The following XRN2 variants were observed in gnomAD, a reference collection of about 807,000 sequenced individuals.
XRN2 encodes 5'-3' exoribonuclease 2, also known as DHM1-like protein.
A neutral mutation model predicts 138.5 loss-of-function variants in XRN2; 44 were observed. The observed-to-expected ratio is 0.32, with a 90% CI of 0.25 to 0.41. The LOEUF is 0.41. Ranked by LOEUF, XRN2 falls within the 10% of genes least tolerant of loss-of-function variation. XRN2 has a pLI of 1.00. For missense variants in XRN2, 937 were observed against 1,169.3 expected (o/e 0.80, Z 2.90); for synonymous variants, 354 against 369.4 (o/e 0.96, Z 0.48).
In XRN2 at chr20:21,346,556, A is replaced by C; in HGVS notation, c.1665+6A>C. Reference sequence around the variant, plus strand: ...TTCTTAGATATTATTACCAGGTACAAAAAGAATATTTTCCTCTGAATTTGT... The same window carrying C: ...TTCTTAGATATTATTACCAGGTACACAAAGAATATTTTCCTCTGAATTTGT... On this transcript the variant is annotated splice_donor_region_variant and intron_variant, in intron 17 of 29. Coordinates refer to ENST00000377191, the MANE Select transcript of XRN2 (RefSeq NM_012255.5). 1 of 1,610,872 alleles carries C rather than the reference A, an allele frequency of 6.2e-7. No homozygotes were observed.
In XRN2 at chr20:21,333,536, T is replaced by C; in HGVS notation, c.859-8T>C. ...AGACTTGTTTCATCTTCATTCCTGT[T>C]CTTGCAGCATGATGAACTTGCCGAT... is the stretch of plus-strand genomic sequence containing the variant. On this transcript the variant is annotated splice_polypyrimidine_tract_variant and splice_region_variant and intron_variant, in intron 9 of 29. Coordinates refer to ENST00000377191, the MANE Select transcript of XRN2 (RefSeq NM_012255.5). 1 of 1,611,930 alleles carries C rather than the reference T, an allele frequency of 6.2e-7. No individual in the cohort carries two copies. Among genetic ancestry groups the C allele is most frequent in the Non-Finnish European group, 8.5e-7 (1 of 1,178,046 alleles).
chr20:21,333,438 A>T, intron 9 of XRN2, 106 bp from the exon 10 acceptor site: 1 of 1,104,334 alleles, frequency 9.1e-7, no homozygotes, highest in Non-Finnish European at 1.4e-6. Context: ...AATACTTGTG[A>T]TATTAAAATG....
chr20:21,303,604 G>T, intron 1 of XRN2, 131 bp downstream of exon 1: 2 of 1,383,244 alleles, frequency 1.4e-6, no homozygotes, highest in Non-Finnish European at 1.9e-6. Context: ...AGCCTCGCGA[G>T]CAGTCGCAGC....
intron 23 of XRN2, 30 bp downstream of exon 23, chr20:21,356,695 G>T: frequency 6.3e-7 from 1 of 1,575,200 alleles, no homozygotes; most frequent in South Asian, 1.2e-5. Context: ...TAATTGAGGT[G>T]ACTGGAAGGA....
chr20:21,355,683 A>G (rs1465147699), intron 21 of XRN2, among the ~76,000 whole-genome samples: 1 of 152,032 alleles, frequency 6.6e-6, no homozygotes, highest in Non-Finnish European at 1.5e-5. Flanking sequence ...ACGCATTTAG[A>G]TCTATCACTA....
At chr20:21,355,843 A>C (rs2038569669) in intron 21 of XRN2, among the ~76,000 whole-genome samples, 1 of 152,090 alleles carries the variant, frequency 6.6e-6, no homozygotes, top group African/African-American at 2.4e-5. Flanking sequence ...TTGTGTTGGG[A>C]ACATTACAGT....
intron 1 of XRN2, among the ~76,000 whole-genome samples, chr20:21,325,530 C>A (rs2038113437): frequency 6.6e-6 from 1 of 151,938 alleles, no homozygotes; most frequent in South Asian, 2.1e-4. Context: ...TGAGTGTAGA[C>A]CCTGGAAATT....
chr20:21,381,713 TAC>T (rs10523116), intron 27 of XRN2, among the ~76,000 whole-genome samples: 137 of 150,184 alleles, frequency 9.1e-4, no homozygotes, highest in South Asian at 2.1e-3. Flanking sequence ...TACACACACA[TAC>T]ACACACACAC....
At position 21,305,553 on chromosome 20, in the gene XRN2, C is replaced by CTTTTTTTT. The variant is rs1180206108; in HGVS notation, c.75+2096_75+2103dup. Among the ~76,000 whole-genome samples the CTTTTTTTT allele has an allele frequency of 3.3e-3, 65 of 19,840 alleles. 3 individuals carry two copies. Among genetic ancestry groups the CTTTTTTTT allele is most frequent in the African/African-American group, 5.7e-3 (58 of 10,160 alleles). The allele number at this position is 19,840 out of a possible 152,430, so 13.0% of individuals were successfully genotyped here. ...ACAGGCATGAGCCACCATACGTGGCCTTTTTTTTTTTTTTTTTTTTTTTGG... is the reference window on the plus strand; with the variant it reads ...ACAGGCATGAGCCACCATACGTGGCCTTTTTTTTTTTTTTTTTTTTTTTTTTTTTTTGG... On this transcript the variant is annotated intron_variant, in intron 1 of 29. Coordinates refer to ENST00000377191, the MANE Select transcript of XRN2 (RefSeq NM_012255.5).
At chr20:21,352,148 G>A (rs537259514) in intron 20 of XRN2, among the ~76,000 whole-genome samples, 1 of 152,194 alleles carries the variant, frequency 6.6e-6, no homozygotes, top group African/African-American at 2.4e-5. Flanking sequence ...TTTTCTTGAG[G>A]TAAAATTTAG....
At chr20:21,366,948 C>G (rs930257635) in intron 26 of XRN2, among the ~76,000 whole-genome samples, 1 of 152,108 alleles carries the variant, frequency 6.6e-6, no homozygotes, top group Non-Finnish European at 1.5e-5. Flanking sequence ...GGAATAAAAC[C>G]TCCTCTTTAC....
At chr20:21,308,222 A>G (rs1409231161) in intron 1 of XRN2, among the ~76,000 whole-genome samples, 2 of 152,144 alleles carry the variant, frequency 1.3e-5, no homozygotes, top group Non-Finnish European at 2.9e-5. Flanking sequence ...CTGTGTGTAG[A>G]TACACCACAT....
rs1217759630 is a variant in XRN2, at chr20:21,333,323, C to T, written c.859-221C>T. On this transcript the variant is annotated intron_variant, in intron 9 of 29. Coordinates refer to ENST00000377191, the MANE Select transcript of XRN2 (RefSeq NM_012255.5). ...GTCCCCCAGTAGCCAAAATAATTTA[C>T]TGTCTGGCCCTTTGCAGAAAATGTT... is the stretch of plus-strand genomic sequence containing the variant. Among the ~76,000 whole-genome samples, 6 of 152,188 alleles carry T rather than the reference C, an allele frequency of 3.9e-5. No homozygotes were observed. In the East Asian group the frequency reaches 1.2e-3, roughly 29 times the overall value.
At chr20:21,359,302 T>TG (rs1177306092) in intron 24 of XRN2, among the ~76,000 whole-genome samples, 1 of 151,814 alleles carries the variant, frequency 6.6e-6, no homozygotes, top group African/African-American at 2.4e-5. Flanking sequence ...GAGGCCAGGG[T>TG]GGTGGGTGGA....
In XRN2 at chr20:21,389,560, C is replaced by CACATTT; in HGVS notation, c.*223_*228dup. ...TCTGAATTTATTATTGCTTATAAAA[C>CACATTT]ACATTTGATGGAATAGGAGTACTGG... On this transcript the variant is annotated 3_prime_UTR_variant, in exon 30 of 30. Transcript: ENST00000377191. 2.4e-6 allele frequency: 1 copy of CACATTT among 409,184 alleles called. No homozygotes were observed. The highest frequency in any genetic ancestry group is 4.3e-5 in the East Asian group (1 of 23,338). The allele number at this position is 409,184 out of a possible 1,614,324, so 25.3% of individuals were successfully genotyped here. A position where few individuals can be genotyped will look rare whatever the true frequency, so the allele number is the denominator to read the frequency against.
intron 27 of XRN2, among the ~76,000 whole-genome samples, 189 bp from the exon 28 acceptor site, chr20:21,381,805 T>TA (rs2038888031): frequency 6.6e-6 from 1 of 152,078 alleles, no homozygotes; most frequent in Admixed American, 6.6e-5. Context: ...GGAAAAATAA[T>TA]AAAAAATTTG....
intron 4 of XRN2, among the ~76,000 whole-genome samples, chr20:21,329,770 G>A (rs75944794): frequency 0.017 from 2,537 of 151,838 alleles, 20 homozygotes; most frequent in Non-Finnish European, 0.026. Flanking sequence ...ATCCTGTAAA[G>A]CTGTGATGAA....
At chr20:21,380,732 G>T (rs2038874141) in intron 27 of XRN2, among the ~76,000 whole-genome samples, 1 of 152,236 alleles carries the variant, frequency 6.6e-6, no homozygotes, top group African/African-American at 2.4e-5. Flanking sequence ...AGGGCTTCCT[G>T]CACCTTTCTG....
chr20:21,340,153 G>A (rs1455453243), intron 14 of XRN2, among the ~76,000 whole-genome samples: 1 of 152,102 alleles, frequency 6.6e-6, no homozygotes, highest in African/African-American at 2.4e-5. Flanking sequence ...AAATTAGCCG[G>A]GTGTGGTGAC....
Sources: gnomAD v4.1 joint callset for allele counts (sites outside exome capture counted in the v4.1 genomes callset) on GRCh38, gnomAD v4.1.1 for gene constraint, MANE v1.5 for transcripts, NCBI Gene and HGNC (gene_info 2026-07-23, HGNC 2026-07-21) for gene names.